GRM7: variants seen among roughly 807,000 people sequenced by gnomAD.
GRM7 encodes the protein glutamate metabotropic receptor 7.
A neutral mutation model predicts 84.5 loss-of-function variants in GRM7; 35 were observed. The observed-to-expected ratio is 0.41, with a 90% CI of 0.32 to 0.55. The LOEUF is 0.55. Among genes scored for constraint, GRM7 ranks in the 20% least tolerant of loss-of-function variants. The pLI is 0.19. For missense variants in GRM7, 1,003 were observed against 1,194.6 expected, an observed-to-expected ratio of 0.84 and a Z score of 2.36; for synonymous variants, 487 against 455.1, an observed-to-expected ratio of 1.07 and a Z score of -0.89.
At chr3:7,146,791 A>AC in intron 2 of GRM7, 123 bp downstream of exon 2, 1 of 665,166 alleles carries the variant, frequency 1.5e-6, no homozygotes, top group Non-Finnish European at 2.6e-6. Context: ...TGTGAAGTAC[A>AC]CCTGTGATGT....
intron 8 of GRM7, among the ~76,000 whole-genome samples, chr3:7,613,184 G>A (rs1015979881): frequency 6.6e-6 from 1 of 152,032 alleles, no homozygotes; most frequent in Non-Finnish European, 1.5e-5. Context: ...TGAATTTGGG[G>A]TCAGTGGCTA....
At chr3:7,390,696 A>G (rs1260320863) in intron 4 of GRM7, among the ~76,000 whole-genome samples, 1 of 152,150 alleles carries the variant, frequency 6.6e-6, no homozygotes, top group Non-Finnish European at 1.5e-5. Flanking sequence ...TTTTAATTCC[A>G]GAAGTTCTGT....
At chr3:7,520,380 T>C (rs1700550241) in intron 7 of GRM7, 1 of 152,176 alleles carries the variant, frequency 6.6e-6, no homozygotes, top group Non-Finnish European at 1.5e-5. Context: ...TGTATCCAGC[T>C]TAGGCATATA....
intron 8 of GRM7, among the ~76,000 whole-genome samples, chr3:7,598,806 G>A (rs193177378): frequency 5.3e-5 from 8 of 152,254 alleles, no homozygotes; most frequent in Admixed American, 2.0e-4. Flanking sequence ...TGCGTCAATA[G>A]TGAAATAATC....
Position 7,415,346 on chromosome 3 carries a change from A to G in GRM7, c.1174+183A>G, listed in dbSNP as rs559796968. 1.4e-4 allele frequency among the ~76,000 whole-genome samples: 22 copies of G among 152,282 alleles called. No homozygotes were observed. In the South Asian group the frequency reaches 4.6e-3, roughly 32 times the overall value. ...CAGGACAAAAGACATACAGACAAGA[A>G]TGTATTCTTTTCTGCCTATCTAGCA... On this transcript the variant is annotated intron_variant, in intron 5 of 9. Transcript: ENST00000357716.
rs550903899 is a variant in GRM7, at chr3:7,292,704, C to T, written c.737-5980C>T. On this transcript the variant is annotated intron_variant, in intron 2 of 9. Transcript: ENST00000357716. Reference sequence around the variant, plus strand: ...ATTCTAAGGCTTCTTCTACTGCTTACATATATTATTTCTTTTTTTTTTAAA... The same window carrying T: ...ATTCTAAGGCTTCTTCTACTGCTTATATATATTATTTCTTTTTTTTTTAAA... Among the ~76,000 whole-genome samples the T allele has an allele frequency of 4.7e-5, 7 of 150,364 alleles. No homozygotes were observed. The South Asian group carries it at 1.5e-3, about 32-fold the overall frequency.
At chr3:7,413,074 G>C (rs1575299734) in intron 4 of GRM7, among the ~76,000 whole-genome samples, 1 of 151,932 alleles carries the variant, frequency 6.6e-6, no homozygotes, top group Non-Finnish European at 1.5e-5. Context: ...GTTCCACCTT[G>C]GTAACTGTAT....
intron 4 of GRM7, among the ~76,000 whole-genome samples, chr3:7,316,104 G>T (rs1198768704): frequency 1.3e-5 from 2 of 151,572 alleles, no homozygotes; most frequent in Non-Finnish European, 2.9e-5. Context: ...AGAAAACACT[G>T]CCAGGGTCCT....
At chr3:7,013,920 A>C (rs188315113) in intron 1 of GRM7, among the ~76,000 whole-genome samples, 2 of 151,954 alleles carry the variant, frequency 1.3e-5, no homozygotes, top group South Asian at 4.2e-4. Context: ...ATTTTGCGTA[A>C]ATTTTTTCAC....
intron 2 of GRM7, among the ~76,000 whole-genome samples, chr3:7,197,732 C>A (rs1695925793): frequency 6.6e-6 from 1 of 150,994 alleles, no homozygotes. Flanking sequence ...CCAGGAACAA[C>A]TTCAAGTTTC....
chr3:7,482,099 A>T (rs1237450152), intron 7 of GRM7, among the ~76,000 whole-genome samples: 1 of 152,100 alleles, frequency 6.6e-6, no homozygotes, highest in East Asian at 1.9e-4. Context: ...GAGGCAGGAG[A>T]ATGGCGTGAA....
At chr3:7,729,860 C>T (rs1269793980) in intron 9 of GRM7, among the ~76,000 whole-genome samples, 1 of 146,662 alleles carries the variant, frequency 6.8e-6, no homozygotes, top group East Asian at 2.1e-4. Flanking sequence ...TGCATGCCAC[C>T]ACCTCCGGCT....
chr3:7,590,963 C>CAGTG (rs1393652366), intron 8 of GRM7, among the ~76,000 whole-genome samples: 1 of 152,160 alleles, frequency 6.6e-6, no homozygotes, highest in African/African-American at 2.4e-5. Flanking sequence ...GAGCTCTAAG[C>CAGTG]AGTGACTGGT....
rs77245173 is a variant in GRM7 at position 7,084,361 on chromosome 3, T to C, written c.520-62091T>C. On this transcript the variant is annotated intron_variant, in intron 1 of 9. Coordinates refer to ENST00000357716, the MANE Select transcript of GRM7 (RefSeq NM_000844.4). The stretch of plus-strand genomic sequence containing the variant: ...GGTAGGTAGGGCCCAGGAATCTGTG[T>C]TGCAACAAGCCTCCCAGAAAGTTCT... Among the ~76,000 whole-genome samples the C allele has an allele frequency of 4.1e-3, 625 of 152,226 alleles. 2 individuals carry two copies. Among genetic ancestry groups the C allele is most frequent in the Admixed American group, 7.3e-3 (112 of 15,274 alleles).
At position 7,668,471 on chromosome 3, in the gene GRM7, C is replaced by G. The variant is rs117001173; in HGVS notation, c.2452-11578C>G. Among the ~76,000 whole-genome samples, 53 of 152,342 alleles carry G rather than the reference C, an allele frequency of 3.5e-4. No homozygotes were observed. The East Asian group carries it at 9.5e-3, about 27-fold the overall frequency. ...CTCCTCCTCCTCCCTTTCTCTCTCT[C>G]TCTTTTACGCACATGTACACATTTA... On this transcript the variant is annotated intron_variant, in intron 8 of 9. Coordinates refer to ENST00000357716, the MANE Select transcript of GRM7 (RefSeq NM_000844.4).
intron 4 of GRM7, among the ~76,000 whole-genome samples, chr3:7,388,214 A>G (rs1320064888): frequency 6.6e-6 from 1 of 152,126 alleles, no homozygotes; most frequent in Non-Finnish European, 1.5e-5. Context: ...TTTTCTAGGC[A>G]TAGAATCATA....
intron 3 of GRM7, among the ~76,000 whole-genome samples, chr3:7,306,289 A>G (rs532082508): frequency 1.1e-4 from 17 of 152,232 alleles, no homozygotes; most frequent in South Asian, 1.0e-3. Context: ...AACAATTACT[A>G]TTACTTGCTC....
intron 1 of GRM7, among the ~76,000 whole-genome samples, chr3:7,145,971 T>C (rs1052980300): frequency 4.6e-5 from 7 of 152,204 alleles, no homozygotes; most frequent in African/African-American, 9.6e-5. Flanking sequence ...TGTGACTTAC[T>C]TAGCTATTTC....
chr3:6,984,523 A>T (rs535273466), intron 1 of GRM7, among the ~76,000 whole-genome samples: 95 of 152,352 alleles, frequency 6.2e-4, no homozygotes, highest in Non-Finnish European at 1.2e-3. Flanking sequence ...TAGTAATCAC[A>T]GCAAAAGGTG....
Sources: gnomAD v4.1 joint callset for allele counts (sites outside exome capture counted in the v4.1 genomes callset) on GRCh38, gnomAD v4.1.1 for gene constraint, MANE v1.5 for transcripts, NCBI Gene and HGNC (gene_info 2026-07-23, HGNC 2026-07-21) for gene names.